The following KHDRBS2 variants were observed in gnomAD, a reference collection of about 807,000 sequenced individuals.
KHDRBS2 encodes KH domain-containing, RNA-binding, signal transduction-associated protein 2.
A neutral mutation model predicts 44.3 loss-of-function variants in KHDRBS2; 26 were observed. The ratio of observed to expected loss-of-function variants is 0.59; its 90% CI spans 0.43 to 0.81. The LOEUF is 0.81. Ranked by LOEUF, KHDRBS2 falls within the 40% of genes least tolerant of loss-of-function variation. KHDRBS2 has a pLI of 0.00. For synonymous variants in KHDRBS2, 194 were observed against 151.1 expected (o/e 1.28, Z -2.08); for missense variants, 476 against 433.1 (o/e 1.10, Z -0.88).
chr6:61,993,326 C>A (rs1776495088), intron 3 of KHDRBS2, among the ~76,000 whole-genome samples: 1 of 152,010 alleles, frequency 6.6e-6, no homozygotes, highest in South Asian at 2.1e-4. Context: ...CCTATATTTA[C>A]ATAGGGCTTA....
chr6:62,212,583 A>G (rs1829252993), intron 1 of KHDRBS2, among the ~76,000 whole-genome samples: 1 of 152,188 alleles, frequency 6.6e-6, no homozygotes, highest in African/African-American at 2.4e-5. Context: ...TTAATCCAAC[A>G]TGACTAGTGT....
the KHDRBS2 span, among the ~76,000 whole-genome samples, chr6:61,559,124 G>A: frequency 1.3e-5 from 2 of 152,000 alleles, no homozygotes; most frequent in South Asian, 4.1e-4. Flanking sequence ...ATATTTACAA[G>A]CATTATATCC....
At chr6:61,573,007 T>C in the KHDRBS2 span, among the ~76,000 whole-genome samples, 1 of 152,146 alleles carries the variant, frequency 6.6e-6, no homozygotes, top group Admixed American at 6.6e-5. Flanking sequence ...GGCATTCAAA[T>C]TGGTAAAGAC....
At chr6:61,978,942 C>G (rs533207252) in intron 3 of KHDRBS2, among the ~76,000 whole-genome samples, 178 of 152,056 alleles carry the variant, frequency 1.2e-3, no homozygotes, top group African/African-American at 4.1e-3. Flanking sequence ...TTTTTAATGG[C>G]AAAAACCATA....
At chr6:61,862,127 G>A (rs1204058087) in intron 6 of KHDRBS2, among the ~76,000 whole-genome samples, 6 of 152,066 alleles carry the variant, frequency 3.9e-5, no homozygotes, top group Non-Finnish European at 4.4e-5. Flanking sequence ...AGATAGCTGG[G>A]ATGGGATTTT....
At position 62,278,858 on chromosome 6, in the gene KHDRBS2, G is replaced by T. The variant is rs184366977; in HGVS notation, c.91+7000C>A. Among the ~76,000 whole-genome samples, 186 of 152,272 alleles carry T rather than the reference G, an allele frequency of 1.2e-3. 1 individual carries two copies. The highest frequency in any genetic ancestry group is 2.5e-3 in the Admixed American group (39 of 15,296). On this transcript the variant is annotated intron_variant, in intron 1 of 8. Transcript: ENST00000281156. ...GTCTGTAATCCCAGCACTTTGGGAG[G>T]CCGAGGTGGGCGGATCACGAGGTCA...
chr6:61,712,722 A>G lies in KHDRBS2; in HGVS notation c.894-15469T>C, dbSNP rs140249616. Among the ~76,000 whole-genome samples, 1,272 of 152,000 alleles carry G rather than the reference A, an allele frequency of 8.4e-3. 19 individuals carry two copies. The highest frequency in any genetic ancestry group is 0.029 in the African/African-American group (1,191 of 41,526). ...AGATAATGTTTACACAGTACTTAAT[A>G]CAGGCATCTGGCACATAGCAAATGC... On this transcript the variant is annotated intron_variant, in intron 7 of 8. Transcript: ENST00000281156.
At chr6:62,161,252 T>A (rs1258296694) in intron 2 of KHDRBS2, among the ~76,000 whole-genome samples, 1 of 152,012 alleles carries the variant, frequency 6.6e-6, no homozygotes, top group Admixed American at 6.6e-5. Flanking sequence ...CGCTTTTGAT[T>A]GGAGAGTTTA....
rs148481559 is a variant in KHDRBS2 at position 62,217,279 on chromosome 6, G to GA, written c.92-39968dup. On this transcript the variant is annotated intron_variant, in intron 1 of 8. Coordinates refer to ENST00000281156, the MANE Select transcript of KHDRBS2 (RefSeq NM_152688.4). ...AATCAATCCTATATTCAAATGACCA[G>GA]AAAAAAAAGCTAAATTCATATATAG... 6.7e-3 allele frequency among the ~76,000 whole-genome samples: 1,010 copies of GA among 151,186 alleles called. 14 individuals are homozygous for GA. The highest frequency in any genetic ancestry group is 0.023 in the African/African-American group (949 of 41,294).
At chr6:62,080,084 CGTGAAAT>C (rs1797105874) in intron 2 of KHDRBS2, among the ~76,000 whole-genome samples, 1 of 151,786 alleles carries the variant, frequency 6.6e-6, no homozygotes, top group African/African-American at 2.4e-5. Flanking sequence ...ATACATAAAA[CGTGAAAT>C]AAGTGTTTTA....
intron 7 of KHDRBS2, among the ~76,000 whole-genome samples, chr6:61,717,357 G>C (rs1554169949): frequency 6.6e-6 from 1 of 151,486 alleles, no homozygotes; most frequent in Non-Finnish European, 1.5e-5. Flanking sequence ...AAGAGAGAGA[G>C]AAAAAAAACA....
chr6:61,645,391 A>T, the KHDRBS2 span, among the ~76,000 whole-genome samples: 1 of 152,060 alleles, frequency 6.6e-6, no homozygotes, highest in East Asian at 1.9e-4. Flanking sequence ...GTGATTTAAA[A>T]AAAATCTGTA....
intron 2 of KHDRBS2, among the ~76,000 whole-genome samples, chr6:62,171,742 C>G (rs1326733970): frequency 6.6e-6 from 1 of 152,152 alleles, no homozygotes; most frequent in Non-Finnish European, 1.5e-5. Context: ...AGCAGTAACC[C>G]TGTAAGCCAG....
chr6:61,552,680 C>T, the KHDRBS2 span, among the ~76,000 whole-genome samples: 3 of 151,972 alleles, frequency 2.0e-5, no homozygotes, highest in Non-Finnish European at 4.4e-5. Flanking sequence ...CCTCCAATGC[C>T]TAGTTTTTTG....
chr6:61,633,289 A>G, the KHDRBS2 span, among the ~76,000 whole-genome samples: 1 of 152,122 alleles, frequency 6.6e-6, no homozygotes, highest in African/African-American at 2.4e-5. Context: ...GGAGGGCTTC[A>G]AAAGATCTCA....
At chr6:61,663,277 C>T in the KHDRBS2 span, among the ~76,000 whole-genome samples, 1 of 141,274 alleles carries the variant, frequency 7.1e-6, no homozygotes, top group African/African-American at 2.6e-5. Flanking sequence ...GGAGGGATTG[C>T]ATTAGGAGAT....
intron 1 of KHDRBS2, among the ~76,000 whole-genome samples, chr6:62,211,681 A>T (rs1349072872): frequency 1.3e-5 from 2 of 152,184 alleles, no homozygotes; most frequent in Non-Finnish European, 2.9e-5. Context: ...ATTGTGGAAG[A>T]AAAGGAACTC....
chr6:62,149,863 G>A (rs761824043), intron 2 of KHDRBS2, among the ~76,000 whole-genome samples: 2 of 152,152 alleles, frequency 1.3e-5, no homozygotes, highest in Admixed American at 6.6e-5. Context: ...ATTAGACAAA[G>A]TTGTGTTCCA....
At chr6:61,542,859 T>A in the KHDRBS2 span, among the ~76,000 whole-genome samples, 6 of 151,902 alleles carry the variant, frequency 3.9e-5, no homozygotes, top group Admixed American at 6.6e-5. Flanking sequence ...TTTAGGAGAT[T>A]TGGCCCTGCT....
Sources: allele counts gnomAD v4.1 joint callset (sites outside exome capture counted in the v4.1 genomes callset), GRCh38; gene constraint gnomAD v4.1.1; transcripts MANE v1.5; gene names NCBI Gene and HGNC (gene_info 2026-07-23, HGNC 2026-07-21).